PRRC2C: variants seen among roughly 807,000 people sequenced by gnomAD.
PRRC2C encodes protein PRRC2C.
In PRRC2C, 72 loss-of-function variants were observed where a neutral mutation model predicts 317.2. That is an observed-to-expected ratio of 0.23 (90% confidence interval 0.19 to 0.28). The LOEUF (loss-of-function observed/expected upper bound fraction) is 0.28, where lower values mean the gene tolerates loss of function less well. Among genes scored for constraint, PRRC2C ranks in the 10% least tolerant of loss-of-function variants. The probability of loss-of-function intolerance (pLI) is 1.00; values close to 1 mark genes in which losing one functional copy is unlikely to be tolerated. For missense variants in PRRC2C, 3,074 were observed against 3,459.7 expected (o/e 0.89, Z 2.80); for synonymous variants, 1,296 against 1,205.9 (o/e 1.07, Z -1.55).
chr1:171,527,333 A>C (rs1359829160), intron 10 of PRRC2C, among the ~76,000 whole-genome samples: 1 of 146,624 alleles, frequency 6.8e-6, no homozygotes, highest in East Asian at 2.2e-4. Context: ...GGGTTTTGCC[A>C]TGTTGGCCAG....
In PRRC2C at chr1:171,540,439, A is replaced by C. The variant is rs779481155; in HGVS notation, c.2973A>C (p.Ser991=). The C allele has an allele frequency of 6.2e-7, 1 of 1,613,016 alleles. No individual in the cohort carries two copies. The highest frequency in any genetic ancestry group is 8.5e-7 in the Non-Finnish European group (1 of 1,179,466). ...CTGAAAAAGTATATAAATCTAAATC[A>C]GAAACTCGTTGGGGCCCACGACCAA... ...PKPEKVYKSK[S]ETRWGPRPSS... The change falls in exon 16 of 35, where the codon TCA becomes TCC. Residue 991 remains serine, a synonymous_variant. Transcript: ENST00000647382.
chr1:171,524,093 G>A lies in PRRC2C; in HGVS notation c.1055+571G>A, dbSNP rs189505024. ...CTAGTTTGGAGATCTTTTGAGAACT[G>A]GTATTAGGAACAATTTTTTAAACTG... On this transcript the variant is annotated intron_variant, in intron 9 of 34. Transcript: ENST00000647382. Among the ~76,000 whole-genome samples the A allele has an allele frequency of 7.2e-5, 11 of 151,994 alleles. No homozygotes were observed. The East Asian group carries it at 1.9e-3, about 27-fold the overall frequency.
At chr1:171,573,826 A>C (rs1438913823) in intron 24 of PRRC2C, among the ~76,000 whole-genome samples, 3 of 151,274 alleles carry the variant, frequency 2.0e-5, no homozygotes, top group Non-Finnish European at 2.9e-5. Flanking sequence ...TTACAGGCGC[A>C]CACCACGCCC....
At chr1:171,548,375 T>C (rs1432645811) in intron 17 of PRRC2C, among the ~76,000 whole-genome samples, 3 of 152,242 alleles carry the variant, frequency 2.0e-5, no homozygotes, top group Non-Finnish European at 4.4e-5. Context: ...ATAGTTTCTC[T>C]GTGACCACTT....
chr1:171,584,764 T>C (rs961913949), intron 30 of PRRC2C, among the ~76,000 whole-genome samples: 8 of 152,048 alleles, frequency 5.3e-5, no homozygotes, highest in Non-Finnish European at 7.4e-5. Context: ...TTTTATATCT[T>C]CCAGGTTTTT....
chr1:171,532,288 CA>C, intron 11 of PRRC2C, 54 bp from the exon 12 acceptor site: 1 of 1,517,080 alleles, frequency 6.6e-7, no homozygotes. Flanking sequence ...GCCTGATACC[CA>C]GTGTTAGTCA....
chr1:171,528,748 G>C (rs989008867), intron 11 of PRRC2C, among the ~76,000 whole-genome samples: 14 of 151,740 alleles, frequency 9.2e-5, no homozygotes, highest in African/African-American at 2.9e-4. Context: ...CAGTTTTCTT[G>C]TCTTCATCTC....
chr1:171,549,960 A>G (rs144008942), intron 17 of PRRC2C, 126 bp from the exon 18 acceptor site: 11 of 655,964 alleles, frequency 1.7e-5, no homozygotes, highest in South Asian at 3.4e-5. Flanking sequence ...GTTATACACT[A>G]TAAGTTATAG....
intron 20 of PRRC2C, 88 bp downstream of exon 20, chr1:171,561,191 C>T: frequency 7.9e-7 from 1 of 1,271,350 alleles, no homozygotes; most frequent in South Asian, 1.2e-5. Flanking sequence ...ACCTGTAATC[C>T]TAGCGTGGTG....
intron 20 of PRRC2C, among the ~76,000 whole-genome samples, chr1:171,563,362 T>C (rs1683052197): frequency 6.6e-6 from 1 of 152,214 alleles, no homozygotes; most frequent in South Asian, 2.1e-4. Context: ...ATTGTTGTTA[T>C]ACCATATTAT....
intron 25 of PRRC2C, among the ~76,000 whole-genome samples, chr1:171,576,731 C>T (rs1572101778): frequency 1.3e-5 from 2 of 151,734 alleles, no homozygotes; most frequent in Admixed American, 1.3e-4. Flanking sequence ...CTTGCTCTGT[C>T]GCTCAGGCTG....
Position 171,593,049 on chromosome 1 carries a change from A to T in PRRC2C, c.*1202A>T, listed in dbSNP as rs538812270. 2 of 152,012 alleles carry T rather than the reference A, an allele frequency of 1.3e-5. No homozygotes were observed. The highest frequency in any genetic ancestry group is 2.9e-5 in the Non-Finnish European group (2 of 67,976). The allele number at this position is 152,012 out of a possible 1,614,324, so 9.4% of individuals were successfully genotyped here. A position where few individuals can be genotyped will look rare whatever the true frequency, so the allele number is the denominator to read the frequency against. On this transcript the variant is annotated 3_prime_UTR_variant, in exon 35 of 35. Coordinates refer to ENST00000647382, the MANE Select transcript of PRRC2C (RefSeq NM_001387844.1). ...GTTTTCTTTCCAGATGATGATTCAGAAGCTAATTTTAAAAAACGGTGCCAG... is the reference window on the plus strand; with the variant it reads ...GTTTTCTTTCCAGATGATGATTCAGTAGCTAATTTTAAAAAACGGTGCCAG...
chr1:171,589,519 C>T lies in PRRC2C; in HGVS notation c.8350C>T (p.His2784Tyr), dbSNP rs1650880946. ...CCTCATGAGCCATGCTCGTTTGCCA[C>T]ATGTAGCCAGGGGTCCTTGTGGATC... ...TGLMSHARLP[H>Y]VARGPCGSLS... The change falls in exon 34 of 35, where the codon CAT becomes TAT. Residue 2784 changes from histidine to tyrosine, a missense_variant. Physicochemically the swap from His to Tyr is moderately conservative, Grantham distance 83. Around this residue, in one of 11 missense-constraint regions of PRRC2C, gnomAD observed 490 missense variants for 663.1 expected, o/e 0.74. Transcript: ENST00000647382. 1 of 1,289,676 alleles carries T rather than the reference C, an allele frequency of 7.8e-7. No homozygotes were observed. The highest frequency in any genetic ancestry group is 1.5e-5 in the African/African-American group (1 of 65,848). The allele number at this position is 1,289,676 out of a possible 1,614,324, so 79.9% of individuals were successfully genotyped here.
chr1:171,528,155 T>C (rs914218585), intron 11 of PRRC2C, among the ~76,000 whole-genome samples: 1 of 152,154 alleles, frequency 6.6e-6, no homozygotes, highest in Non-Finnish European at 1.5e-5. Context: ...TGTATCCTTT[T>C]CCACTTATGA....
At chr1:171,518,462 AT>A (rs979633104) in intron 6 of PRRC2C, among the ~76,000 whole-genome samples, 3 of 99,146 alleles carry the variant, frequency 3.0e-5, no homozygotes, top group Non-Finnish European at 6.2e-5. Flanking sequence ...TACTTTTAAT[AT>A]TTTTTTCAAT....
chr1:171,569,595 G>GATATATATATATA (rs1558024246), intron 23 of PRRC2C, among the ~76,000 whole-genome samples: 1 of 25,600 alleles, frequency 3.9e-5, no homozygotes, highest in Non-Finnish European at 9.1e-5. Context: ...TATATATATG[G>GATATATATATATA]TTTTTTTTTT....
intron 1 of PRRC2C, among the ~76,000 whole-genome samples, chr1:171,490,971 C>T (rs200077786): frequency 6.6e-6 from 1 of 152,134 alleles, no homozygotes; most frequent in Non-Finnish European, 1.5e-5. Flanking sequence ...GGATAATATC[C>T]ATTTCCCCTA....
intron 14 of PRRC2C, among the ~76,000 whole-genome samples, chr1:171,536,848 G>A (rs965297541): frequency 6.6e-6 from 1 of 152,128 alleles, no homozygotes; most frequent in Non-Finnish European, 1.5e-5. Context: ...ATATTTTGTA[G>A]AATATTGACC....
chr1:171,511,216 C>T (rs375009882), intron 1 of PRRC2C: 12 of 96,770 alleles, frequency 1.2e-4, no homozygotes, highest in Non-Finnish European at 2.7e-4. Context: ...CAAAAACAAC[C>T]GTTAGGTTGA....
Sources: allele counts gnomAD v4.1 joint callset (sites outside exome capture counted in the v4.1 genomes callset), GRCh38; gene constraint gnomAD v4.1.1; regional missense constraint gnomAD v4.1.1; transcripts MANE v1.5; gene names NCBI Gene and HGNC (gene_info 2026-07-23, HGNC 2026-07-21).